The following RPRD2 variants were observed in gnomAD, a reference collection of about 807,000 sequenced individuals.
RPRD2 encodes regulation of nuclear pre-mRNA domain containing 2.
A neutral mutation model predicts 104.4 loss-of-function variants in RPRD2; 12 were observed. The ratio of observed to expected loss-of-function variants is 0.11; its 90% confidence interval spans 0.07 to 0.19. RPRD2 has a LOEUF of 0.19. RPRD2 is among the 10% of genes least tolerant of loss of function. The pLI is 1.00. For synonymous variants in RPRD2, 714 were observed against 684.9 expected, an observed-to-expected ratio of 1.04 and a Z score of -0.66; for missense variants, 1,543 against 1,790.1, an observed-to-expected ratio of 0.86 and a Z score of 2.49.
At position 150,471,576 on chromosome 1, in the gene RPRD2, T is replaced by C. The variant is rs1221374872; in HGVS notation, c.2628T>C (p.Tyr876=). ...TTEYQPILSS[Y]SHRAQEFGVK... is the part of the protein sequence containing the mutation. ...AGTACCAGCCAATTCTGTCCAGTTA[T>C]AGCCACAGAGCCCAAGAATTTGGGG... Residue 876 remains tyrosine (Y), a synonymous_variant, in exon 11 of 11, where the codon TAT becomes TAC. Coordinates refer to ENST00000369068, the MANE Select transcript of RPRD2 (RefSeq NM_015203.5). This position sits in a 1 kb window ranked among gnomAD's most constrained non-coding sequence, Gnocchi z 5.3. 14 of 1,613,842 alleles carry C rather than the reference T, an allele frequency of 8.7e-6. No homozygotes were observed. Among genetic ancestry groups the C allele is most frequent in the Admixed American group, 3.3e-5 (2 of 59,994 alleles).
intron 7 of RPRD2, among the ~76,000 whole-genome samples, chr1:150,456,126 C>G (rs1667508856): frequency 6.6e-6 from 1 of 152,090 alleles, no homozygotes; most frequent in African/African-American, 2.4e-5. Flanking sequence ...CCACCAGGCC[C>G]AGCCCCTGTT....
chr1:150,367,942 C>T (rs1368751288), intron 1 of RPRD2, among the ~76,000 whole-genome samples: 1 of 151,962 alleles, frequency 6.6e-6, no homozygotes, highest in Non-Finnish European at 1.5e-5. Flanking sequence ...AGGGTGGTCT[C>T]GAACTCCTGA....
Position 150,474,054 on chromosome 1 carries a change from G to T in RPRD2, c.*720G>T, listed in dbSNP as rs1411866802. On this transcript the variant is annotated 3_prime_UTR_variant, in exon 11 of 11. Transcript: ENST00000369068. ...AAGCATTAATGGTGTGATGTGACCT[G>T]CCTGTTTTTTTGTAAACAAGAGAAT... 6.6e-6 allele frequency: 1 copy of T among 152,150 alleles called. No homozygotes were observed. Among genetic ancestry groups the T allele is most frequent in the Non-Finnish European group, 1.5e-5 (1 of 68,038 alleles). 9.4% of individuals were successfully genotyped at this position (152,150 alleles called of 1,614,324 possible).
intron 2 of RPRD2, among the ~76,000 whole-genome samples, chr1:150,437,259 A>AG (rs1553893368): frequency 6.6e-6 from 1 of 152,102 alleles, no homozygotes; most frequent in African/African-American, 2.4e-5. Flanking sequence ...AACACTTTGG[A>AG]GGCCAAGGCA....
intron 1 of RPRD2, among the ~76,000 whole-genome samples, chr1:150,388,979 C>T (rs1661854301): frequency 6.6e-6 from 1 of 152,018 alleles, no homozygotes; most frequent in Non-Finnish European, 1.5e-5. Flanking sequence ...TCCATAACTC[C>T]ACATTTAATT....
chr1:150,392,111 G>T (rs372592603), intron 1 of RPRD2, among the ~76,000 whole-genome samples: 1 of 150,236 alleles, frequency 6.7e-6, no homozygotes, highest in African/African-American at 2.5e-5. Flanking sequence ...CGCTTGAACC[G>T]GGAGGCGGAG....
In RPRD2 at chr1:150,475,820, C is replaced by G. The variant is rs997977025; in HGVS notation, c.*2486C>G. 1.3e-5 allele frequency: 2 copies of G among 152,158 alleles called. No individual in the cohort carries two copies. Among genetic ancestry groups the G allele is most frequent in the African/African-American group, 4.8e-5 (2 of 41,404 alleles). 9.4% of individuals were successfully genotyped at this position (152,158 alleles called of 1,614,324 possible). ...GTGTCTGTGATTTAAAACTCCGTGACCATGCTCTGACTTTTGTATTTCAAC... is the reference window on the plus strand; with the variant it reads ...GTGTCTGTGATTTAAAACTCCGTGAGCATGCTCTGACTTTTGTATTTCAAC... On this transcript the variant is annotated 3_prime_UTR_variant, in exon 11 of 11. Coordinates refer to ENST00000369068, the MANE Select transcript of RPRD2 (RefSeq NM_015203.5).
At chr1:150,430,640 C>T (rs114516878) in intron 2 of RPRD2, among the ~76,000 whole-genome samples, 2,094 of 152,112 alleles carry the variant, frequency 0.014, 54 homozygotes, top group African/African-American at 0.048. Context: ...TAGAAGATAA[C>T]ACTGTCTGGC....
intron 1 of RPRD2, among the ~76,000 whole-genome samples, chr1:150,417,131 T>C (rs1664404243): frequency 6.6e-6 from 1 of 152,040 alleles, no homozygotes; most frequent in Non-Finnish European, 1.5e-5. Flanking sequence ...CTCTTTCTAC[T>C]AACCTTGGTA....
At chr1:150,430,523 A>G (rs1665482880) in intron 2 of RPRD2, among the ~76,000 whole-genome samples, 2 of 152,110 alleles carry the variant, frequency 1.3e-5, no homozygotes, top group Admixed American at 1.3e-4. Flanking sequence ...CAAATTAGGC[A>G]GGTGTGGTGG....
chr1:150,368,549 C>T (rs1403104651), intron 1 of RPRD2, among the ~76,000 whole-genome samples: 4 of 151,014 alleles, frequency 2.6e-5, no homozygotes, highest in South Asian at 2.1e-4. Context: ...CTGCAACCTC[C>T]GCCTCCCAGG....
chr1:150,387,721 A>G (rs1226516322), intron 1 of RPRD2, among the ~76,000 whole-genome samples: 5 of 148,768 alleles, frequency 3.4e-5, no homozygotes, highest in African/African-American at 9.9e-5. Context: ...CCTCCCCAGT[A>G]GCTGGGATTG....
intron 9 of RPRD2, among the ~76,000 whole-genome samples, chr1:150,463,968 C>T (rs1668102178): frequency 6.6e-6 from 1 of 152,094 alleles, no homozygotes; most frequent in Non-Finnish European, 1.5e-5. Context: ...TGTAGCAAGA[C>T]CCTGTCTCTA....
intron 7 of RPRD2, among the ~76,000 whole-genome samples, chr1:150,450,335 G>A (rs953334481): frequency 6.6e-5 from 10 of 151,886 alleles, no homozygotes; most frequent in Admixed American, 2.0e-4. Flanking sequence ...AGCCGGGTGC[G>A]GTGGCTCACG....
intron 1 of RPRD2, among the ~76,000 whole-genome samples, chr1:150,390,589 G>T (rs1168064050): frequency 2.0e-5 from 3 of 152,068 alleles, no homozygotes; most frequent in Non-Finnish European, 2.9e-5. Context: ...ACAACTCTTA[G>T]ACAGTTATGC....
chr1:150,419,433 A>T (rs1482594592), intron 2 of RPRD2, among the ~76,000 whole-genome samples: 2 of 152,238 alleles, frequency 1.3e-5, no homozygotes, highest in African/African-American at 4.8e-5. Flanking sequence ...AGGATTGTTA[A>T]CTTAAAATGT....
intron 4 of RPRD2, among the ~76,000 whole-genome samples, chr1:150,443,009 G>A (rs1409685345): frequency 4.6e-5 from 7 of 151,946 alleles, no homozygotes; most frequent in Non-Finnish European, 4.4e-5. Flanking sequence ...AGGGTCTGTT[G>A]GAGGTAAGTA....
At chr1:150,454,669 G>A (rs1054897684) in intron 7 of RPRD2, among the ~76,000 whole-genome samples, 1 of 152,028 alleles carries the variant, frequency 6.6e-6, no homozygotes, top group African/African-American at 2.4e-5. Context: ...CCAACATGGC[G>A]AAATTTTGTC....
At chr1:150,381,614 C>G (rs1469676486) in intron 1 of RPRD2, among the ~76,000 whole-genome samples, 1 of 151,378 alleles carries the variant, frequency 6.6e-6, no homozygotes, top group African/African-American at 2.4e-5. Context: ...ATGCCATTCT[C>G]CTGCCTCAGT....
Sources: allele counts gnomAD v4.1 joint callset (sites outside exome capture counted in the v4.1 genomes callset), GRCh38; gene constraint gnomAD v4.1.1; non-coding constraint Gnocchi (gnomAD v3.1); transcripts MANE v1.5; gene names NCBI Gene and HGNC (gene_info 2026-07-23, HGNC 2026-07-21).